The following CCDC13 variants were observed in gnomAD, a reference collection of about 807,000 sequenced individuals.
The protein encoded by CCDC13 is coiled-coil domain-containing protein 13.
In CCDC13, 70 loss-of-function variants were observed where a neutral mutation model predicts 87.3. That is an observed-to-expected ratio of 0.80 (90% CI 0.66 to 0.98). CCDC13 has a LOEUF of 0.98. Among genes scored for constraint, CCDC13 ranks in the 50% least tolerant of loss-of-function variants. The probability of loss-of-function intolerance (pLI) is 0.00; values close to 1 mark genes in which losing one functional copy is unlikely to be tolerated. For synonymous variants in CCDC13, 317 were observed against 360.3 expected (o/e 0.88, Z 1.36); for missense variants, 842 against 892.0 (o/e 0.94, Z 0.71).
At chr3:42,748,292 G>A (rs1473942659) in intron 5 of CCDC13, among the ~76,000 whole-genome samples, 1 of 152,180 alleles carries the variant, frequency 6.6e-6, no homozygotes, top group Non-Finnish European at 1.5e-5. Context: ...CAGCTGGTTG[G>A]GGTGACACAG....
At chr3:42,717,644 C>A (rs1559637899) in intron 13 of CCDC13, among the ~76,000 whole-genome samples, 1 of 152,152 alleles carries the variant, frequency 6.6e-6, no homozygotes, top group African/African-American at 2.4e-5. Context: ...TAGCTTACCA[C>A]AATTAAAACA....
rs752273744 is a variant in CCDC13 at position 42,743,028 on chromosome 3, C to T, written c.855G>A (p.Gln285=). 15 of 1,614,038 alleles carry T rather than the reference C, an allele frequency of 9.3e-6. No individual in the cohort carries two copies. Among genetic ancestry groups the T allele is most frequent in the Non-Finnish European group, 1.3e-5 (15 of 1,180,016 alleles). ...KVQELEKQLG[Q]ARSQSAGTAS... is the part of the protein sequence containing the mutation. ...CTGTTCCCGCAGACTGGCTCCGGGC[C>T]TGGCCCAATTGCTTCTCAAGCTCTT... Residue 285 remains glutamine, a synonymous_variant, in exon 8 of 16, where the codon CAG becomes CAA. Transcript: ENST00000310232.
At chr3:42,731,176 C>G (rs1698820634) in intron 12 of CCDC13, among the ~76,000 whole-genome samples, 1 of 151,618 alleles carries the variant, frequency 6.6e-6, no homozygotes, top group Non-Finnish European at 1.5e-5. Flanking sequence ...CCCCCCAGAG[C>G]CCACATGTGA....
intron 1 of CCDC13, among the ~76,000 whole-genome samples, chr3:42,772,797 TCGGGTCG>T (rs948339998): frequency 7.9e-5 from 12 of 152,102 alleles, no homozygotes; most frequent in African/African-American, 2.9e-4. Context: ...GTGCACGCCG[TCGGGTCG>T]CATCTTTCAG....
downstream of CCDC13, chr3:42,704,789 T>G (rs1698135318): frequency 6.6e-6 from 1 of 152,368 alleles, no homozygotes; most frequent in Non-Finnish European, 1.5e-5. Context: ...GGAAGCTGAC[T>G]GAGCTAAGAC....
intron 7 of CCDC13, among the ~76,000 whole-genome samples, chr3:42,743,610 C>CACACACACACACAT (rs1261467201): frequency 7.6e-4 from 67 of 87,620 alleles, no homozygotes; most frequent in African/African-American, 2.7e-3. Flanking sequence ...TACACACACA[C>CACACACACACACAT]ATATATATAT....
At chr3:42,747,193 G>T in intron 6 of CCDC13, 64 bp downstream of exon 6, 1 of 1,202,372 alleles carries the variant, frequency 8.3e-7, no homozygotes, top group Non-Finnish European at 1.2e-6. Flanking sequence ...CACTGTGCCA[G>T]CCGTGCTCTT....
Position 42,708,019 on chromosome 3 carries a change from T to C in CCDC13, c.*961A>G, listed in dbSNP as rs1266767808. Among the ~76,000 whole-genome samples the C allele has an allele frequency of 1.3e-5, 2 of 151,928 alleles. No individual in the cohort carries two copies. The highest frequency in any genetic ancestry group is 2.9e-5 in the Non-Finnish European group (2 of 67,964). ...TCCAAGTTCACCATGGCGAGGGAGG[T>C]GCACTGTACCTTTGACTGGAGCCAC... On this transcript the variant is annotated 3_prime_UTR_variant, in exon 16 of 16. Coordinates refer to ENST00000310232, the MANE Select transcript of CCDC13 (RefSeq NM_144719.4).
At position 42,745,958 on chromosome 3, in the gene CCDC13, C is replaced by A; in HGVS notation, c.790G>T (p.Gly264Cys). The change falls in exon 7 of 16, where the codon GGT (glycine) becomes TGT (cysteine). Residue 264 changes from glycine (G) to cysteine (C), a missense_variant. Transcript: ENST00000310232. ...QLLSSPGTWR[G>C]RAQQILVLQS... ...AAAACAAGAATTTGTTGAGCCCGAC[C>A]CCTCCAGGTCCCTGGCGAAGATAGG... is the stretch of plus-strand genomic sequence containing the variant. 1 of 1,614,112 alleles carries A rather than the reference C, an allele frequency of 6.2e-7. No homozygotes were observed. The highest frequency in any genetic ancestry group is 8.5e-7 in the Non-Finnish European group (1 of 1,179,990).
At chr3:42,764,202 T>C (rs1699888930) in intron 1 of CCDC13, among the ~76,000 whole-genome samples, 1 of 152,196 alleles carries the variant, frequency 6.6e-6, no homozygotes, top group Non-Finnish European at 1.5e-5. Context: ...AAGGTCTGTG[T>C]TGATGTTAAA....
intron 12 of CCDC13, among the ~76,000 whole-genome samples, chr3:42,732,042 C>T (rs1465224241): frequency 6.6e-6 from 1 of 152,208 alleles, no homozygotes; most frequent in African/African-American, 2.4e-5. Flanking sequence ...TGACTAAAAC[C>T]TCAGAGAGGC....
At chr3:42,734,872 C>A (rs551639249) in intron 10 of CCDC13, among the ~76,000 whole-genome samples, 2 of 152,246 alleles carry the variant, frequency 1.3e-5, no homozygotes, top group African/African-American at 4.8e-5. Context: ...GCCCTCAAGG[C>A]ACCTGCCAAG....
At chr3:42,754,948 C>T (rs1194695598) in intron 3 of CCDC13, among the ~76,000 whole-genome samples, 2 of 152,148 alleles carry the variant, frequency 1.3e-5, no homozygotes, top group Non-Finnish European at 2.9e-5. Context: ...TGCTAACTAT[C>T]TGGCTAAATA....
chr3:42,747,029 G>A (rs555035961), intron 6 of CCDC13: 30 of 635,384 alleles, frequency 4.7e-5, no homozygotes, highest in African/African-American at 3.2e-4. Flanking sequence ...GGTATGCTGC[G>A]GGGGTGGGGG....
chr3:42,715,135 A>G (rs558661961), intron 13 of CCDC13, among the ~76,000 whole-genome samples: 105 of 65,594 alleles, frequency 1.6e-3, no homozygotes, highest in Non-Finnish European at 2.3e-3. Flanking sequence ...CGTCTCTACT[A>G]AAAATACAAA....
At chr3:42,763,253 T>C (rs918225211) in intron 1 of CCDC13, among the ~76,000 whole-genome samples, 2 of 152,232 alleles carry the variant, frequency 1.3e-5, no homozygotes, top group Admixed American at 6.5e-5. Flanking sequence ...TTGCAGTCTG[T>C]TTAAATTCCT....
intron 1 of CCDC13, among the ~76,000 whole-genome samples, chr3:42,767,827 T>C (rs1407441964): frequency 1.3e-5 from 2 of 151,766 alleles, no homozygotes; most frequent in Non-Finnish European, 2.9e-5. Flanking sequence ...ATACAAAAAT[T>C]GCCAGGTGTG....
intron 1 of CCDC13, among the ~76,000 whole-genome samples, chr3:42,767,835 G>A (rs889262829): frequency 6.6e-6 from 1 of 152,066 alleles, no homozygotes; most frequent in Admixed American, 6.6e-5. Context: ...ATTGCCAGGT[G>A]TGGTGGTGGG....
At chr3:42,720,485 T>G (rs931198685) in intron 13 of CCDC13, among the ~76,000 whole-genome samples, 1 of 152,160 alleles carries the variant, frequency 6.6e-6, no homozygotes, top group Admixed American at 6.5e-5. Context: ...AATCCCAAAC[T>G]TACCAAGGTT....
Sources: allele counts gnomAD v4.1 joint callset (sites outside exome capture counted in the v4.1 genomes callset), GRCh38; gene constraint gnomAD v4.1.1; transcripts MANE v1.5; gene names NCBI Gene and HGNC (gene_info 2026-07-23, HGNC 2026-07-21).